Variants in PLCG2 observed in about 807,000 individuals in gnomAD.
PLCG2 encodes 1-phosphatidylinositol 4,5-bisphosphate phosphodiesterase gamma-2.
In PLCG2, 69 loss-of-function variants were observed where a neutral mutation model predicts 175.6. The ratio of observed to expected loss-of-function variants is 0.39; its 90% CI spans 0.32 to 0.48. The LOEUF is 0.48. Among genes scored for constraint, PLCG2 ranks in the 20% least tolerant of loss-of-function variants. The pLI, the probability that PLCG2 is intolerant of heterozygous loss-of-function variation, is 0.91. For missense variants in PLCG2, 1,798 were observed against 1,650.9 expected (o/e 1.09, Z -1.54); for synonymous variants, 827 against 624.0 (o/e 1.33, Z -4.85).
chr16:81,933,722 C>A (rs1435647377), intron 25 of PLCG2, among the ~76,000 whole-genome samples: 2 of 152,144 alleles, frequency 1.3e-5, no homozygotes, highest in Non-Finnish European at 2.9e-5. Context: ...GAGCTAAGCA[C>A]CCCCCAAACA....
In PLCG2 at chr16:81,957,586, TGCGGG is replaced by T. The variant is rs553155091; in HGVS notation, c.3756-365_3756-361del. Among the ~76,000 whole-genome samples, 408 of 152,148 alleles carry T rather than the reference TGCGGG, an allele frequency of 2.7e-3. 4 individuals carry two copies. The highest frequency in any genetic ancestry group is 9.6e-3 in the African/African-American group (399 of 41,510). Reference sequence around the variant, plus strand: ...GTTGTGCTACAGGCATGTAATGGGGTGCGGGGCGGCCGGGGTTGCCAAGTGTTTCA... The same window carrying T: ...GTTGTGCTACAGGCATGTAATGGGGTGCGGCCGGGGTTGCCAAGTGTTTCA... On this transcript the variant is annotated intron_variant, in intron 32 of 32. Transcript: ENST00000564138.
intron 21 of PLCG2, among the ~76,000 whole-genome samples, chr16:81,922,701 G>A (rs1253742765): frequency 6.6e-6 from 1 of 152,204 alleles, no homozygotes; most frequent in Non-Finnish European, 1.5e-5. Flanking sequence ...TGAAATTCCT[G>A]TTCCCATTTC....
At chr16:81,926,951 T>C (rs1910298847) in intron 22 of PLCG2, 131 bp from the exon 23 acceptor site, 1 of 678,216 alleles carries the variant, frequency 1.5e-6, no homozygotes, top group South Asian at 1.7e-5. Context: ...TCACAGATAG[T>C]GACACTGGTC....
At chr16:81,744,316 C>G (rs1320470326) in intron 1 of PLCG2, among the ~76,000 whole-genome samples, 5 of 151,650 alleles carry the variant, frequency 3.3e-5, no homozygotes, top group African/African-American at 1.2e-4. Flanking sequence ...AGGTGCCCGC[C>G]ACCAAGCCTG....
intron 2 of PLCG2, among the ~76,000 whole-genome samples, chr16:81,831,003 A>G (rs1249459818): frequency 6.6e-6 from 1 of 152,112 alleles, no homozygotes; most frequent in Non-Finnish European, 1.5e-5. Context: ...ACACATTTCC[A>G]TCTTGGGGCC....
chr16:81,909,836 TG>T (rs1278616093), intron 17 of PLCG2, among the ~76,000 whole-genome samples: 1 of 152,160 alleles, frequency 6.6e-6, no homozygotes, highest in Non-Finnish European at 1.5e-5. Context: ...GATGCCTCTT[TG>T]AGGTGGATAC....
intron 6 of PLCG2, among the ~76,000 whole-genome samples, chr16:81,869,845 A>G (rs901571263): frequency 1.3e-5 from 2 of 152,186 alleles, no homozygotes; most frequent in African/African-American, 4.8e-5. Context: ...GTGATGGGAT[A>G]TAGTAGAGCA....
chr16:81,759,260 T>C (rs1247573299), intron 2 of PLCG2, among the ~76,000 whole-genome samples: 2 of 152,166 alleles, frequency 1.3e-5, no homozygotes, highest in Non-Finnish European at 2.9e-5. Context: ...TTCCTTCTCA[T>C]TGTTTTGTTT....
chr16:81,767,664 G>C (rs893726260), intron 2 of PLCG2: 3 of 151,882 alleles, frequency 2.0e-5, no homozygotes, highest in Non-Finnish European at 4.4e-5. Flanking sequence ...AGTTCTATAA[G>C]TTTTGTCAAA....
At position 81,783,815 on chromosome 16, in the gene PLCG2, C is replaced by T. The variant is rs1310134467; in HGVS notation, c.-47-2128C>T. On this transcript the variant is annotated intron_variant, in intron 1 of 32. Coordinates refer to ENST00000564138, the MANE Select transcript of PLCG2 (RefSeq NM_002661.5). ...GTTTCTCCTGATAAGGTAAGATGCA[C>T]ATTAACTCTCAGCAGGGTTTTTTTT... Among the ~76,000 whole-genome samples the T allele has an allele frequency of 1.4e-5, 2 of 142,736 alleles. 1 individual carries two copies. Among genetic ancestry groups the T allele is most frequent in the African/African-American group, 5.1e-5 (2 of 39,166 alleles). The allele number at this position is 142,736 out of a possible 152,430, so 93.6% of individuals were successfully genotyped here.
intron 22 of PLCG2, 50 bp downstream of exon 22, chr16:81,923,644 C>A: frequency 8.8e-7 from 1 of 1,131,378 alleles, no homozygotes. Context: ...TTGACTTGTC[C>A]CTTCTTGGTG....
intron 5 of PLCG2, among the ~76,000 whole-genome samples, chr16:81,863,488 G>T (rs1296330755): frequency 1.3e-5 from 2 of 152,184 alleles, no homozygotes; most frequent in African/African-American, 4.8e-5. Context: ...TTTGGCAATT[G>T]TGAATAGTGC....
intron 9 of PLCG2, among the ~76,000 whole-genome samples, chr16:81,884,526 A>C (rs774052174): frequency 7.2e-5 from 11 of 152,196 alleles, no homozygotes; most frequent in Non-Finnish European, 1.5e-4. Context: ...TTTGTGCCCC[A>C]GTTTCCCCCT....
At chr16:81,777,625 C>T (rs186723409), upstream of PLCG2, among the ~76,000 whole-genome samples, 3 of 147,056 alleles carry the variant, frequency 2.0e-5, no homozygotes, top group Admixed American at 6.8e-5. Flanking sequence ...GTTGGGAGTG[C>T]TGAAAGAAAT....
At chr16:81,877,354 G>A (rs1444984728) in intron 7 of PLCG2, among the ~76,000 whole-genome samples, 1 of 152,184 alleles carries the variant, frequency 6.6e-6, no homozygotes, top group East Asian at 1.9e-4. Flanking sequence ...TACTTGGGAG[G>A]CTGAGGCAGG....
chr16:81,753,366 T>G (rs1327343081), intron 1 of PLCG2, among the ~76,000 whole-genome samples: 1 of 115,796 alleles, frequency 8.6e-6, no homozygotes, highest in Non-Finnish European at 2.0e-5. Flanking sequence ...TTTTTTTTTT[T>G]GTATTCTGGT....
chr16:81,936,129 G>A, intron 26 of PLCG2, 40 bp from the exon 27 acceptor site: 4 of 1,608,536 alleles, frequency 2.5e-6, no homozygotes, highest in Admixed American at 1.7e-5. Context: ...ATGCACAGAT[G>A]AGACACAGAA....
chr16:81,781,677 G>A (rs1209650163), intron 1 of PLCG2, among the ~76,000 whole-genome samples: 1 of 152,178 alleles, frequency 6.6e-6, no homozygotes, highest in Non-Finnish European at 1.5e-5. Flanking sequence ...AGGTGCAGCA[G>A]TAATGTCCCT....
intron 20 of PLCG2, among the ~76,000 whole-genome samples, chr16:81,920,184 T>C (rs559905143): frequency 1.3e-5 from 2 of 152,244 alleles, no homozygotes; most frequent in African/African-American, 2.4e-5. Flanking sequence ...CAGGGGCTCA[T>C]AGGCCATTGT....
Sources: gnomAD v4.1 joint callset for allele counts (sites outside exome capture counted in the v4.1 genomes callset) on GRCh38, gnomAD v4.1.1 for gene constraint, MANE v1.5 for transcripts, NCBI Gene and HGNC (gene_info 2026-07-23, HGNC 2026-07-21) for gene names.